The following SLC35F4 variants were observed in gnomAD, a reference collection of about 807,000 sequenced individuals.
SLC35F4 encodes the protein solute carrier family 35 member F4.
In SLC35F4, 24 loss-of-function variants were observed where a neutral mutation model predicts 44.2. That is an observed-to-expected ratio of 0.54 (90% CI 0.39 to 0.76). SLC35F4 has a LOEUF of 0.76. Among genes scored for constraint, SLC35F4 ranks in the 30% least tolerant of loss-of-function variants. The pLI, the probability that SLC35F4 is intolerant of heterozygous loss-of-function variation, is 0.00. For synonymous variants in SLC35F4, 238 were observed against 223.6 expected, an observed-to-expected ratio of 1.06 and a Z score of -0.57; for missense variants, 562 against 586.1, an observed-to-expected ratio of 0.96 and a Z score of 0.42.
intron 1 of SLC35F4, among the ~76,000 whole-genome samples, chr14:57,609,127 G>C (rs2071342957): frequency 6.6e-6 from 1 of 152,210 alleles, no homozygotes; most frequent in African/African-American, 2.4e-5. Flanking sequence ...GCGGGAGGTA[G>C]GGACAGACAT....
chr14:57,698,116 C>T (rs1458159789), intron 1 of SLC35F4, among the ~76,000 whole-genome samples: 1 of 152,164 alleles, frequency 6.6e-6, no homozygotes, highest in Non-Finnish European at 1.5e-5. Flanking sequence ...TTAATATAAA[C>T]TACTTAGAAC....
intron 1 of SLC35F4, among the ~76,000 whole-genome samples, chr14:57,970,880 G>T (rs1235832777): frequency 6.6e-6 from 1 of 152,166 alleles, no homozygotes; most frequent in Non-Finnish European, 1.5e-5. Flanking sequence ...CTCCTATGCT[G>T]ACCATCCTCC....
chr14:57,764,152 A>C (rs896299777), intron 1 of SLC35F4, among the ~76,000 whole-genome samples: 1 of 152,188 alleles, frequency 6.6e-6, no homozygotes, highest in Non-Finnish European at 1.5e-5. Context: ...GTTTCATGAC[A>C]GATTCCAAGC....
At chr14:57,615,298 TC>T (rs1409549024) in intron 1 of SLC35F4, among the ~76,000 whole-genome samples, 3 of 152,024 alleles carry the variant, frequency 2.0e-5, no homozygotes, top group African/African-American at 7.2e-5. Context: ...TTTGGAACCT[TC>T]CCTGGAGCAA....
At chr14:57,597,991 A>C (rs922195990) in intron 1 of SLC35F4, among the ~76,000 whole-genome samples, 5 of 152,304 alleles carry the variant, frequency 3.3e-5, no homozygotes, top group African/African-American at 9.6e-5. Context: ...AGAATATTTG[A>C]CTTCATATAC....
intron 1 of SLC35F4, among the ~76,000 whole-genome samples, chr14:57,787,126 G>T (rs1169459670): frequency 6.6e-6 from 1 of 152,178 alleles, no homozygotes; most frequent in Non-Finnish European, 1.5e-5. Flanking sequence ...GCTCTGGAAA[G>T]TCTCAGCAAT....
chr14:57,675,752 T>A (rs1957691), intron 1 of SLC35F4, among the ~76,000 whole-genome samples: 1 of 152,136 alleles, frequency 6.6e-6, no homozygotes, highest in East Asian at 1.9e-4. Context: ...AAATGTTTTA[T>A]CTGCACCTAT....
chr14:57,571,753 T>C, intron 5 of SLC35F4, 141 bp downstream of exon 5: 2 of 1,232,374 alleles, frequency 1.6e-6, no homozygotes, highest in Non-Finnish European at 1.1e-6. Flanking sequence ...ACCCATCACA[T>C]AACAAGTAGT....
chr14:57,888,482 C>T (rs2141037372), intron 1 of SLC35F4, among the ~76,000 whole-genome samples: 1 of 152,260 alleles, frequency 6.6e-6, no homozygotes, highest in South Asian at 2.1e-4. Context: ...TAACAATATG[C>T]TGCACTTCAC....
At chr14:57,692,458 G>A (rs1343790150) in intron 1 of SLC35F4, among the ~76,000 whole-genome samples, 1 of 151,942 alleles carries the variant, frequency 6.6e-6, no homozygotes, top group Non-Finnish European at 1.5e-5. Context: ...ATCACTTATT[G>A]TTTGGAAAAT....
intron 1 of SLC35F4, among the ~76,000 whole-genome samples, chr14:57,778,112 G>A (rs989528256): frequency 9.9e-5 from 15 of 152,010 alleles, no homozygotes; most frequent in Non-Finnish European, 2.1e-4. Context: ...AGATCTGATG[G>A]TTTTTAAAAA....
intron 1 of SLC35F4, among the ~76,000 whole-genome samples, chr14:57,682,294 A>G (rs1594785810): frequency 6.6e-6 from 1 of 152,182 alleles, no homozygotes; most frequent in Admixed American, 6.5e-5. Context: ...GCACATATAC[A>G]CCACGGAATA....
chr14:57,582,005 A>G (rs1032286244), intron 3 of SLC35F4, among the ~76,000 whole-genome samples: 3 of 152,228 alleles, frequency 2.0e-5, no homozygotes, highest in Non-Finnish European at 4.4e-5. Context: ...TAACTCCCAC[A>G]TGATAAAAAC....
At chr14:57,924,339 A>G (rs1819010747) in intron 1 of SLC35F4, among the ~76,000 whole-genome samples, 1 of 152,088 alleles carries the variant, frequency 6.6e-6, no homozygotes, top group South Asian at 2.1e-4. Flanking sequence ...CAGCTTGTCT[A>G]CTCATGGCTG....
intron 1 of SLC35F4, among the ~76,000 whole-genome samples, chr14:57,910,130 AT>A (rs958043005): frequency 5.3e-5 from 8 of 151,594 alleles, no homozygotes; most frequent in African/African-American, 1.4e-4. Flanking sequence ...TCTTTTGCCT[AT>A]TTTTTTTATC....
intron 1 of SLC35F4, among the ~76,000 whole-genome samples, chr14:57,838,436 A>C (rs1380716508): frequency 2.6e-5 from 4 of 152,214 alleles, no homozygotes; most frequent in Non-Finnish European, 1.5e-5. Flanking sequence ...GTGATCAAAA[A>C]CCTGTGAAGG....
rs868601351 is a variant in SLC35F4 at position 57,789,108 on chromosome 14, C to A, written c.103+76615G>T. Reference sequence around the variant, plus strand: ...AACATCACAATTAAAAGAACTAGAGCAAAGAAATTCAAAAGCTAGCAGAAA... The same window carrying A: ...AACATCACAATTAAAAGAACTAGAGAAAAGAAATTCAAAAGCTAGCAGAAA... On this transcript the variant is annotated intron_variant, in intron 1 of 7. Coordinates refer to ENST00000556826, the MANE Select transcript of SLC35F4 (RefSeq NM_001306087.2). Among the ~76,000 whole-genome samples, 8 of 150,890 alleles carry A rather than the reference C, an allele frequency of 5.3e-5. 1 individual carries two copies. The South Asian group carries it at 1.2e-3, about 24-fold the overall frequency.
intron 1 of SLC35F4, among the ~76,000 whole-genome samples, chr14:57,753,336 A>G (rs1331364717): frequency 2.0e-5 from 3 of 152,148 alleles, no homozygotes; most frequent in Non-Finnish European, 4.4e-5. Flanking sequence ...GGATTCCCCA[A>G]TACTTGGCCC....
intron 1 of SLC35F4, among the ~76,000 whole-genome samples, chr14:57,861,131 C>T (rs1887643201): frequency 6.6e-6 from 1 of 152,146 alleles, no homozygotes; most frequent in Non-Finnish European, 1.5e-5. Context: ...TCCATTCACT[C>T]TCCCTATTTG....
Sources: allele counts gnomAD v4.1 joint callset (sites outside exome capture counted in the v4.1 genomes callset), GRCh38; gene constraint gnomAD v4.1.1; transcripts MANE v1.5; gene names NCBI Gene and HGNC (gene_info 2026-07-23, HGNC 2026-07-21).